BMP5: variants seen among roughly 807,000 people sequenced by gnomAD.
BMP5 encodes bone morphogenetic protein 5.
BMP5 carries 23 observed loss-of-function variants against 46.6 expected under a neutral mutation model. The ratio of observed to expected loss-of-function variants is 0.49; its 90% CI spans 0.35 to 0.70. The LOEUF (loss-of-function observed/expected upper bound fraction) is 0.70. BMP5 is among the 30% of genes least tolerant of loss of function. The probability of loss-of-function intolerance (pLI) is 0.00; values close to 1 mark genes in which losing one functional copy is unlikely to be tolerated. For missense variants in BMP5, 545 were observed against 565.6 expected (o/e 0.96, Z 0.37); for synonymous variants, 204 against 191.9 (o/e 1.06, Z -0.52).
chr6:55,759,184 C>T (rs201357101), intron 5 of BMP5, 69 bp from the exon 6 acceptor site: 4 of 366,410 alleles, frequency 1.1e-5, no homozygotes, highest in Admixed American at 6.6e-5. Context: ...AAAAAAAAAA[C>T]AACAAGAAAA....
intron 2 of BMP5, among the ~76,000 whole-genome samples, chr6:55,797,669 T>C (rs1299634041): frequency 1.4e-5 from 2 of 146,110 alleles, no homozygotes; most frequent in African/African-American, 2.6e-5. Flanking sequence ...CAGGCTGGAG[T>C]GCAGTGGTGC....
intron 2 of BMP5, among the ~76,000 whole-genome samples, chr6:55,817,070 G>T (rs1204365590): frequency 1.3e-5 from 2 of 152,144 alleles, no homozygotes; most frequent in Non-Finnish European, 2.9e-5. Context: ...ACACCAGTTA[G>T]AATGGCAATC....
chr6:55,798,085 T>C (rs1775760910), intron 2 of BMP5, among the ~76,000 whole-genome samples: 1 of 152,182 alleles, frequency 6.6e-6, no homozygotes, highest in South Asian at 2.1e-4. Context: ...ACTGTTGTCT[T>C]CTCCCTGTAT....
chr6:55,768,810 G>A lies in BMP5; in HGVS notation c.1027+5239C>T, dbSNP rs999933866. On this transcript the variant is annotated intron_variant, in intron 4 of 6. Coordinates refer to ENST00000370830, the MANE Select transcript of BMP5 (RefSeq NM_021073.4). ...AGGCATATGTCAGAGACATTTACTG[G>A]GGAGATATTGTGAATTTAGTTCCAG... Among the ~76,000 whole-genome samples the A allele has an allele frequency of 2.0e-5, 3 of 151,832 alleles. No individual in the cohort carries two copies. The East Asian group carries it at 5.8e-4, about 29-fold the overall frequency.
At chr6:55,820,057 C>T (rs964310729) in intron 1 of BMP5, among the ~76,000 whole-genome samples, 21 of 152,212 alleles carry the variant, frequency 1.4e-4, no homozygotes, top group African/African-American at 4.6e-4. Context: ...ATAACCTCTG[C>T]GGTTTTATAC....
At chr6:55,780,802 A>T (rs1007982892) in intron 3 of BMP5, among the ~76,000 whole-genome samples, 6 of 152,074 alleles carry the variant, frequency 3.9e-5, no homozygotes, top group African/African-American at 1.4e-4. Context: ...GGGCCTGAGG[A>T]CAGAGAAGCT....
At chr6:55,805,312 C>A (rs888609793) in intron 2 of BMP5, among the ~76,000 whole-genome samples, 1 of 152,052 alleles carries the variant, frequency 6.6e-6, no homozygotes, top group African/African-American at 2.4e-5. Flanking sequence ...TATATATGTG[C>A]CATGGTAGTT....
chr6:55,873,530 A>G (rs537645221), intron 1 of BMP5, among the ~76,000 whole-genome samples: 1 of 152,076 alleles, frequency 6.6e-6, no homozygotes, highest in South Asian at 2.1e-4. Flanking sequence ...TATTATTGTG[A>G]GAGGGAATAT....
intron 1 of BMP5, among the ~76,000 whole-genome samples, chr6:55,823,621 A>G (rs897857719): frequency 6.6e-6 from 1 of 151,968 alleles, no homozygotes; most frequent in Non-Finnish European, 1.5e-5. Flanking sequence ...ACACAGCCGG[A>G]GTGTGTTTTT....
At chr6:55,842,448 A>AGGC in intron 1 of BMP5, among the ~76,000 whole-genome samples, 1 of 152,232 alleles carries the variant, frequency 6.6e-6, no homozygotes, top group South Asian at 2.1e-4. Context: ...CTCAGCCTAC[A>AGGC]CATACAGAAT....
intron 1 of BMP5, among the ~76,000 whole-genome samples, chr6:55,832,952 A>AT: frequency 6.6e-6 from 1 of 151,826 alleles, no homozygotes; most frequent in African/African-American, 2.4e-5. Context: ...CTCTACAAAA[A>AT]TTTAAAAAAA....
In BMP5 at chr6:55,808,051, C is replaced by T. The variant is rs562065206; in HGVS notation, c.683+11604G>A. On this transcript the variant is annotated intron_variant, in intron 2 of 6. Transcript: ENST00000370830. ...GGGGGGAGAAACCCACTCTTCTGGG[C>T]TTCCTGACTTCCTCAGAACTAGCCA... Among the ~76,000 whole-genome samples the T allele has an allele frequency of 8.1e-4, 123 of 152,258 alleles. No individual in the cohort carries two copies. In the Middle Eastern group the frequency reaches 0.014, roughly 17 times the overall value.
chr6:55,765,480 A>G (rs1398859689), intron 4 of BMP5, among the ~76,000 whole-genome samples: 2 of 152,192 alleles, frequency 1.3e-5, no homozygotes, highest in Non-Finnish European at 1.5e-5. Context: ...ACCTTAATTT[A>G]TTTATAAAAA....
intron 3 of BMP5, among the ~76,000 whole-genome samples, chr6:55,791,692 A>G (rs1251513390): frequency 6.6e-6 from 1 of 152,080 alleles, no homozygotes; most frequent in Non-Finnish European, 1.5e-5. Flanking sequence ...GAGAACCAAT[A>G]CAAGATAAGA....
Position 55,763,271 on chromosome 6 carries a change from A to C in BMP5, c.1028-2738T>G, listed in dbSNP as rs1214274235. Among the ~76,000 whole-genome samples, 7 of 152,270 alleles carry C rather than the reference A, an allele frequency of 4.6e-5. No individual in the cohort carries two copies. The East Asian group carries it at 1.4e-3, about 29-fold the overall frequency. ...TTGAATTCTATGTATATAAAAAATA[A>C]AGAAAATAAAACTTTAAAGTCAAAA... On this transcript the variant is annotated intron_variant, in intron 4 of 6. Transcript: ENST00000370830.
chr6:55,758,275 A>G (rs2127514618), intron 6 of BMP5, among the ~76,000 whole-genome samples: 2 of 151,986 alleles, frequency 1.3e-5, no homozygotes, highest in African/African-American at 4.8e-5. Flanking sequence ...GGAGCCTCTC[A>G]TTTAGTCTTA....
intron 3 of BMP5, among the ~76,000 whole-genome samples, chr6:55,784,381 T>C (rs994334849): frequency 1.3e-5 from 2 of 151,872 alleles, no homozygotes; most frequent in African/African-American, 4.8e-5. Context: ...ATGTACATGA[T>C]AAAACAGCAA....
chr6:55,852,353 A>C (rs2127550132), intron 1 of BMP5, among the ~76,000 whole-genome samples: 1 of 152,252 alleles, frequency 6.6e-6, no homozygotes, highest in Non-Finnish European at 1.5e-5. Flanking sequence ...TCTATATGCA[A>C]ATAGAAAGAC....
intron 2 of BMP5, among the ~76,000 whole-genome samples, chr6:55,819,332 C>A (rs1281176117): frequency 6.6e-6 from 1 of 152,134 alleles, no homozygotes; most frequent in Non-Finnish European, 1.5e-5. Context: ...TTATACATTT[C>A]ATGTGGGCAG....
Sources: gnomAD v4.1 joint callset for allele counts (sites outside exome capture counted in the v4.1 genomes callset) on GRCh38, gnomAD v4.1.1 for gene constraint, MANE v1.5 for transcripts, NCBI Gene and HGNC (gene_info 2026-07-23, HGNC 2026-07-21) for gene names.